CLVS1: variants seen among roughly 807,000 people sequenced by gnomAD.
CLVS1 encodes clavesin-1.
In CLVS1, 10 loss-of-function variants were observed where a neutral mutation model predicts 33.1. The ratio of observed to expected loss-of-function variants is 0.30; its 90% CI spans 0.19 to 0.51. The LOEUF (loss-of-function observed/expected upper bound fraction) is 0.51. Ranked by LOEUF, CLVS1 falls within the 20% of genes least tolerant of loss-of-function variation. The probability of loss-of-function intolerance (pLI) is 0.97; values close to 1 mark genes in which losing one functional copy is unlikely to be tolerated. For synonymous variants in CLVS1, 163 were observed against 166.1 expected (o/e 0.98, Z 0.14); for missense variants, 343 against 433.4 (o/e 0.79, Z 1.85).
intron 5 of CLVS1, among the ~76,000 whole-genome samples, chr8:61,473,294 A>G (rs968273402): frequency 8.6e-5 from 13 of 151,244 alleles, no homozygotes; most frequent in African/African-American, 3.2e-4. Flanking sequence ...AAATCCCTGA[A>G]ATGAAGACAT....
chr8:61,016,556 T>G, the CLVS1 span, among the ~76,000 whole-genome samples: 7 of 152,234 alleles, frequency 4.6e-5, no homozygotes, highest in Non-Finnish European at 8.8e-5. Context: ...GTCTCATGTA[T>G]TCATGCCTGT....
chr8:61,100,506 G>A (rs1387033934), intron 1 of CLVS1, among the ~76,000 whole-genome samples: 3 of 152,066 alleles, frequency 2.0e-5, no homozygotes, highest in African/African-American at 4.8e-5. Context: ...CCTTGAACAC[G>A]ACTTTCAAGA....
At chr8:61,030,160 G>A in the CLVS1 span, among the ~76,000 whole-genome samples, 1 of 152,202 alleles carries the variant, frequency 6.6e-6, no homozygotes, top group South Asian at 2.1e-4. Flanking sequence ...AAGGCTCTGG[G>A]AATCAGACCA....
the CLVS1 span, among the ~76,000 whole-genome samples, chr8:60,992,704 C>T: frequency 2.5e-4 from 38 of 151,736 alleles, no homozygotes; most frequent in South Asian, 2.1e-3. Context: ...ATTTTTTTTT[C>T]CTGAGTAAAC....
At chr8:61,187,974 C>A (rs999640586) in intron 2 of CLVS1, among the ~76,000 whole-genome samples, 2 of 151,892 alleles carry the variant, frequency 1.3e-5, no homozygotes, top group Non-Finnish European at 2.9e-5. Flanking sequence ...AAGAGAACAG[C>A]AACGCAGAAA....
At chr8:61,474,783 A>C (rs1817852831) in intron 5 of CLVS1, among the ~76,000 whole-genome samples, 1 of 151,988 alleles carries the variant, frequency 6.6e-6, no homozygotes, top group Non-Finnish European at 1.5e-5. Context: ...TTTCCCAGTG[A>C]AGCAGGGCAA....
At chr8:61,357,035 C>T (rs1812740047) in intron 2 of CLVS1, among the ~76,000 whole-genome samples, 1 of 152,182 alleles carries the variant, frequency 6.6e-6, no homozygotes, top group African/African-American at 2.4e-5. Flanking sequence ...ATTGATTCTT[C>T]CTACCTATGA....
At chr8:61,454,421 G>A (rs1182294561) in intron 4 of CLVS1, among the ~76,000 whole-genome samples, 170 bp downstream of exon 4, 1 of 151,884 alleles carries the variant, frequency 6.6e-6, no homozygotes, top group Non-Finnish European at 1.5e-5. Context: ...GTTTGCAAAT[G>A]GCCTGGGTTT....
intron 2 of CLVS1, among the ~76,000 whole-genome samples, chr8:61,171,240 A>G (rs991209509): frequency 1.3e-5 from 2 of 152,192 alleles, no homozygotes; most frequent in African/African-American, 2.4e-5. Context: ...AAGTTAATAG[A>G]TTGTCATTGA....
chr8:61,331,621 T>A (rs1261008952), intron 2 of CLVS1, among the ~76,000 whole-genome samples: 1 of 152,162 alleles, frequency 6.6e-6, no homozygotes, highest in Non-Finnish European at 1.5e-5. Flanking sequence ...CCTGTCCTTC[T>A]CTGCACTTTT....
intron 3 of CLVS1, among the ~76,000 whole-genome samples, chr8:61,439,094 A>G (rs1033346722): frequency 1.3e-5 from 2 of 152,222 alleles, no homozygotes; most frequent in East Asian, 1.9e-4. Flanking sequence ...TGTTCCTTCC[A>G]TCATGCTTCC....
intron 2 of CLVS1, among the ~76,000 whole-genome samples, chr8:61,215,564 G>C (rs939772340): frequency 6.6e-6 from 1 of 151,918 alleles, no homozygotes; most frequent in African/African-American, 2.4e-5. Flanking sequence ...AATCAAGTTT[G>C]CACTTTAATT....
chr8:60,970,447 G>A, the CLVS1 span, among the ~76,000 whole-genome samples: 1 of 152,308 alleles, frequency 6.6e-6, no homozygotes, highest in African/African-American at 2.4e-5. Flanking sequence ...TATGAAACAT[G>A]TTCTGCAGTT....
At chr8:61,319,714 A>C (rs1394932557) in intron 2 of CLVS1, among the ~76,000 whole-genome samples, 1 of 152,024 alleles carries the variant, frequency 6.6e-6, no homozygotes, top group Admixed American at 6.5e-5. Flanking sequence ...TTTATTCCAC[A>C]TTTCTGTTTG....
intron 3 of CLVS1, among the ~76,000 whole-genome samples, chr8:61,411,744 G>C (rs974251740): frequency 6.6e-6 from 1 of 152,194 alleles, no homozygotes; most frequent in Non-Finnish European, 1.5e-5. Flanking sequence ...GCCTCCCATG[G>C]TGGGTCACCT....
intron 2 of CLVS1, among the ~76,000 whole-genome samples, chr8:61,186,847 G>A (rs1378063523): frequency 6.6e-6 from 1 of 152,204 alleles, no homozygotes; most frequent in Non-Finnish European, 1.5e-5. Context: ...TGACATGTGA[G>A]GAAGGATTTT....
Position 61,339,600 on chromosome 8 carries a change from C to T in CLVS1, c.456-37005C>T, listed in dbSNP as rs547549963. Among the ~76,000 whole-genome samples, 8 of 152,160 alleles carry T rather than the reference C, an allele frequency of 5.3e-5. 1 individual carries two copies. In the South Asian group the frequency reaches 8.3e-4, roughly 16 times the overall value. On this transcript the variant is annotated intron_variant, in intron 2 of 5. Transcript: ENST00000325897. ...GACCCCTGGACATAATTGAGAGGTA[C>T]TCTACCAAATTGAAATGTTTGGCCT...
chr8:61,284,690 TGC>T (rs1809741714), upstream of CLVS1, among the ~76,000 whole-genome samples: 1 of 152,162 alleles, frequency 6.6e-6, no homozygotes, highest in Non-Finnish European at 1.5e-5. Flanking sequence ...TCCAAGGTCT[TGC>T]CATGTTGGAA....
At chr8:61,033,065 A>T in the CLVS1 span, among the ~76,000 whole-genome samples, 1 of 133,376 alleles carries the variant, frequency 7.5e-6, no homozygotes, top group African/African-American at 2.9e-5. Context: ...GAAAGATAGA[A>T]AGAAAGAAGG....
Sources: gnomAD v4.1 joint callset for allele counts (sites outside exome capture counted in the v4.1 genomes callset) on GRCh38, gnomAD v4.1.1 for gene constraint, MANE v1.5 for transcripts, NCBI Gene and HGNC (gene_info 2026-07-23, HGNC 2026-07-21) for gene names.